WDFY2: variants seen among roughly 807,000 people sequenced by gnomAD.
WDFY2 encodes WD repeat and FYVE domain containing 2.
In WDFY2, 36 loss-of-function variants were observed where a neutral mutation model predicts 56.4. The observed-to-expected ratio is 0.64, with a 90% CI of 0.49 to 0.84. The LOEUF (loss-of-function observed/expected upper bound fraction) is 0.84, where lower values mean the gene tolerates loss of function less well. Among genes scored for constraint, WDFY2 ranks in the 40% least tolerant of loss-of-function variants. The probability of loss-of-function intolerance (pLI) is 0.00; values close to 1 mark genes in which losing one functional copy is unlikely to be tolerated. For synonymous variants in WDFY2, 176 were observed against 183.7 expected, an observed-to-expected ratio of 0.96 and a Z score of 0.34; for missense variants, 444 against 512.2, an observed-to-expected ratio of 0.87 and a Z score of 1.29.
intron 1 of WDFY2, among the ~76,000 whole-genome samples, chr13:51,609,710 G>GT (rs1393063021): frequency 7.0e-6 from 1 of 142,596 alleles, no homozygotes; most frequent in African/African-American, 2.6e-5. Context: ...AAAAAATAGT[G>GT]TTTGAAAAGC....
rs1276810469 is a variant in WDFY2 at position 51,760,888 on chromosome 13, C to A, written c.*1119C>A. 1 of 152,192 alleles carries A rather than the reference C, an allele frequency of 6.6e-6. No homozygotes were observed. The highest frequency in any genetic ancestry group is 1.5e-5 in the Non-Finnish European group (1 of 68,032). 9.4% of individuals were successfully genotyped at this position (152,192 alleles called of 1,614,324 possible). A position where few individuals can be genotyped will look rare whatever the true frequency, so the allele number is the denominator to read the frequency against. ...GCCCACTGCTCACGTCTGATGGGTG[C>A]CCCCATTCCTCACAGGCTATGGACC... On this transcript the variant is annotated 3_prime_UTR_variant, in exon 12 of 12. Transcript: ENST00000298125.
At chr13:51,601,118 A>C (rs935793117) in intron 1 of WDFY2, among the ~76,000 whole-genome samples, 4 of 152,224 alleles carry the variant, frequency 2.6e-5, no homozygotes, top group African/African-American at 7.2e-5. Flanking sequence ...ACTCCAAGTA[A>C]AAACACATGG....
Position 51,712,682 on chromosome 13 carries a change from CA to C in WDFY2, c.335-6512del, listed in dbSNP as rs1278201243. ...AAAATAGAGAAAAATCAATGAAATC[CA>C]AAAGCTAGTGTTTTGATAAGCTCAA... On this transcript the variant is annotated intron_variant, in intron 4 of 11. Coordinates refer to ENST00000298125, the MANE Select transcript of WDFY2 (RefSeq NM_052950.4). Among the ~76,000 whole-genome samples the C allele has an allele frequency of 4.0e-5, 6 of 150,672 alleles. No individual in the cohort carries two copies. The East Asian group carries it at 9.8e-4, about 25-fold the overall frequency.
intron 7 of WDFY2, among the ~76,000 whole-genome samples, chr13:51,749,500 G>A (rs1227777849): frequency 6.6e-6 from 1 of 152,134 alleles, no homozygotes; most frequent in Non-Finnish European, 1.5e-5. Context: ...TAGGAGGAGG[G>A]AGGATATGGA....
chr13:51,598,097 C>T (rs139771283), intron 1 of WDFY2, among the ~76,000 whole-genome samples: 295 of 152,216 alleles, frequency 1.9e-3, no homozygotes, highest in South Asian at 3.7e-3. Context: ...TGGTGGCTCA[C>T]GCCTGTAATC....
Position 51,763,952 on chromosome 13 carries a change from A to G in WDFY2, c.*4183A>G, listed in dbSNP as rs1316654543. Reference sequence around the variant, plus strand: ...GATTCCTTTGGTTATGGCTGTTCATAGAATTTTAATTCTATGTCAGTGTTC... The same window carrying G: ...GATTCCTTTGGTTATGGCTGTTCATGGAATTTTAATTCTATGTCAGTGTTC... On this transcript the variant is annotated 3_prime_UTR_variant, in exon 12 of 12. Coordinates refer to ENST00000298125, the MANE Select transcript of WDFY2 (RefSeq NM_052950.4). 1 of 152,262 alleles carries G rather than the reference A, an allele frequency of 6.6e-6. No individual in the cohort carries two copies. Among genetic ancestry groups the G allele is most frequent in the Non-Finnish European group, 1.5e-5 (1 of 68,038 alleles). 9.4% of individuals were successfully genotyped at this position (152,262 alleles called of 1,614,324 possible). A position where few individuals can be genotyped will look rare whatever the true frequency, so the allele number is the denominator to read the frequency against.
chr13:51,585,955 G>A, intron 1 of WDFY2: 5 of 398,398 alleles, frequency 1.3e-5, no homozygotes, highest in Non-Finnish European at 8.9e-6. Flanking sequence ...ACTAGGATGA[G>A]TATATTAATG....
rs1057379623 is a variant in WDFY2, at chr13:51,584,474, G to C, written c.-214G>C. ...GCCCCCTCCTCTTGTAGTGGCGCCG[G>C]CTTGCATCCCAGGTCGTGGCGGTTT... On this transcript the variant is annotated 5_prime_UTR_variant, in exon 1 of 12. Transcript: ENST00000298125. 4 of 595,844 alleles carry C rather than the reference G, an allele frequency of 6.7e-6. No homozygotes were observed. Among genetic ancestry groups the C allele is most frequent in the Non-Finnish European group, 5.5e-6 (2 of 362,232 alleles). 36.9% of individuals were successfully genotyped at this position (595,844 alleles called of 1,614,324 possible).
chr13:51,697,077 T>C (rs1051840449), intron 3 of WDFY2, among the ~76,000 whole-genome samples: 2 of 152,186 alleles, frequency 1.3e-5, no homozygotes, highest in Non-Finnish European at 2.9e-5. Flanking sequence ...TCTATTTTTA[T>C]CTAAGTTGTA....
At chr13:51,741,111 G>C (rs537645148) in intron 7 of WDFY2, among the ~76,000 whole-genome samples, 2 of 152,192 alleles carry the variant, frequency 1.3e-5, no homozygotes, top group South Asian at 4.1e-4. Context: ...TTAACAAATA[G>C]CTCTTCCAGT....
At chr13:51,701,492 G>A (rs1417937019) in intron 3 of WDFY2, among the ~76,000 whole-genome samples, 1 of 141,112 alleles carries the variant, frequency 7.1e-6, no homozygotes, top group Non-Finnish European at 1.5e-5. Flanking sequence ...CTGCACTCCA[G>A]CCTGGGTGAC....
chr13:51,677,200 C>T (rs1354962827), intron 3 of WDFY2, among the ~76,000 whole-genome samples: 1 of 152,170 alleles, frequency 6.6e-6, no homozygotes, highest in African/African-American at 2.4e-5. Flanking sequence ...TATGTCAGTA[C>T]AGGGTTGAGA....
intron 1 of WDFY2, among the ~76,000 whole-genome samples, chr13:51,653,399 A>T (rs773266370): frequency 1.3e-5 from 2 of 151,802 alleles, no homozygotes; most frequent in African/African-American, 4.8e-5. Context: ...CCTTCTCTCA[A>T]CTCGTCAAAG....
intron 3 of WDFY2, among the ~76,000 whole-genome samples, chr13:51,698,398 A>AT (rs1233542275): frequency 1.3e-5 from 2 of 152,210 alleles, no homozygotes; most frequent in Non-Finnish European, 2.9e-5. Flanking sequence ...ACTTTTATAA[A>AT]TTGAAGGATT....
At chr13:51,729,049 C>T (rs984617111) in intron 6 of WDFY2, among the ~76,000 whole-genome samples, 2 of 152,222 alleles carry the variant, frequency 1.3e-5, no homozygotes, top group Non-Finnish European at 2.9e-5. Flanking sequence ...CCCTGCATCA[C>T]CTTTCCTCCC....
intron 8 of WDFY2, among the ~76,000 whole-genome samples, chr13:51,751,692 A>G (rs1446688236): frequency 6.6e-6 from 1 of 152,330 alleles, no homozygotes; most frequent in East Asian, 1.9e-4. Context: ...AAAAGAAACC[A>G]TCTATTTCCT....
At chr13:51,740,347 G>T (rs150905238) in intron 7 of WDFY2, among the ~76,000 whole-genome samples, 1 of 152,176 alleles carries the variant, frequency 6.6e-6, no homozygotes, top group Non-Finnish European at 1.5e-5. Context: ...ATTCCCTTAC[G>T]TTTATCTTTA....
chr13:51,718,222 A>G (rs1314682758), intron 4 of WDFY2, among the ~76,000 whole-genome samples: 1 of 152,168 alleles, frequency 6.6e-6, no homozygotes. Context: ...CCTTGGGAGC[A>G]GGGCCCAGTG....
At chr13:51,637,564 C>A (rs1348161597) in intron 1 of WDFY2, among the ~76,000 whole-genome samples, 1 of 151,906 alleles carries the variant, frequency 6.6e-6, no homozygotes, top group Non-Finnish European at 1.5e-5. Context: ...CGATCCAGAC[C>A]CCAAGAGAGG....
Sources: allele counts gnomAD v4.1 joint callset (sites outside exome capture counted in the v4.1 genomes callset), GRCh38; gene constraint gnomAD v4.1.1; transcripts MANE v1.5; gene names NCBI Gene and HGNC (gene_info 2026-07-23, HGNC 2026-07-21).